Variants in ELMO1 observed in about 807,000 individuals in gnomAD.
ELMO1 encodes the protein engulfment and cell motility 1, also known as engulfment and cell motility protein 1.
Under a neutral mutation model 98.9 loss-of-function variants are expected in ELMO1, and 26 were observed. The ratio of observed to expected loss-of-function variants is 0.26; its 90% CI spans 0.19 to 0.36. The LOEUF (loss-of-function observed/expected upper bound fraction) is 0.36. Among genes scored for constraint, ELMO1 ranks in the 10% least tolerant of loss-of-function variants. The pLI is 1.00. For synonymous variants in ELMO1, 346 were observed against 346.0 expected (o/e 1.00, Z 0.00); for missense variants, 627 against 935.2 (o/e 0.67, Z 4.30).
At chr7:37,408,383 C>T (rs183398338) in intron 1 of ELMO1, among the ~76,000 whole-genome samples, 71 of 152,338 alleles carry the variant, frequency 4.7e-4, no homozygotes, top group Non-Finnish European at 4.4e-5. Context: ...TACGCTCTGT[C>T]TTTCCAATGC....
At chr7:37,304,211 A>T (rs2131038253) in intron 4 of ELMO1, among the ~76,000 whole-genome samples, 1 of 152,284 alleles carries the variant, frequency 6.6e-6, no homozygotes, top group East Asian at 1.9e-4. Context: ...CTGCCAATTT[A>T]GTTTGAGTCA....
intron 13 of ELMO1, among the ~76,000 whole-genome samples, chr7:37,188,502 A>AAAAAAAAATG (rs1791378523): frequency 1.7e-5 from 1 of 60,280 alleles, no homozygotes; most frequent in Non-Finnish European, 3.3e-5. Flanking sequence ...AAAAAAAAAA[A>AAAAAAAAATG]ATAATAATAA....
intron 4 of ELMO1, among the ~76,000 whole-genome samples, chr7:37,277,838 T>C (rs2130885855): frequency 6.6e-6 from 1 of 152,388 alleles, no homozygotes; most frequent in African/African-American, 2.4e-5. Context: ...ATGCTTCCTC[T>C]GTCTTTACTG....
At chr7:37,142,117 T>C (rs899974953) in intron 13 of ELMO1, among the ~76,000 whole-genome samples, 1 of 152,220 alleles carries the variant, frequency 6.6e-6, no homozygotes, top group African/African-American at 2.4e-5. Context: ...AAAATAAATA[T>C]GATCGTAACA....
chr7:36,917,580 T>C lies in ELMO1; in HGVS notation c.1438-22563A>G, dbSNP rs142275065. On this transcript the variant is annotated intron_variant, in intron 16 of 21. Coordinates refer to ENST00000310758, the MANE Select transcript of ELMO1 (RefSeq NM_014800.11). ...TCCAGGAGATAAGAATTGAAACAAT[T>C]AAATGTCACTCTCAGACATCAGAAT... is the stretch of plus-strand genomic sequence containing the variant. 1.9e-3 allele frequency among the ~76,000 whole-genome samples: 287 copies of C among 152,280 alleles called. 1 individual carries two copies. Among genetic ancestry groups the C allele is most frequent in the Middle Eastern group, 0.014 (4 of 294 alleles).
chr7:37,094,383 G>A (rs1293182460), intron 15 of ELMO1, among the ~76,000 whole-genome samples: 3 of 152,208 alleles, frequency 2.0e-5, no homozygotes, highest in Admixed American at 6.5e-5. Flanking sequence ...GCCCACAAAT[G>A]GAGTTCTGCC....
intron 15 of ELMO1, among the ~76,000 whole-genome samples, chr7:37,048,363 C>T (rs1052570916): frequency 6.6e-6 from 1 of 150,626 alleles, no homozygotes; most frequent in African/African-American, 2.5e-5. Context: ...AATAAATTCC[C>T]TTAAATTATA....
chr7:37,025,936 T>TCTATCTATCTATCTA (rs1554395451), intron 15 of ELMO1, among the ~76,000 whole-genome samples: 79 of 148,276 alleles, frequency 5.3e-4, no homozygotes, highest in African/African-American at 1.9e-3. Context: ...TATCTATCTA[T>TCTATCTATCTATCTA]TTTTTTCTAT....
intron 1 of ELMO1, among the ~76,000 whole-genome samples, chr7:37,358,036 T>C (rs1801559300): frequency 6.6e-6 from 1 of 152,232 alleles, no homozygotes; most frequent in South Asian, 2.1e-4. Context: ...ATCTGCTCAC[T>C]GGTATCCCAG....
chr7:37,246,773 C>CAGATAGAT (rs543282035), intron 6 of ELMO1, among the ~76,000 whole-genome samples: 5,639 of 151,738 alleles, frequency 0.037, 246 homozygotes, highest in East Asian at 0.098. Flanking sequence ...GATGGAGAGA[C>CAGATAGAT]AGATAGATAG....
rs1449559036 is a variant in ELMO1 at position 36,906,844 on chromosome 7, C to T, written c.1438-11827G>A. Among the ~76,000 whole-genome samples the T allele has an allele frequency of 2.0e-5, 3 of 151,680 alleles. No homozygotes were observed. In the South Asian group the frequency reaches 6.2e-4, roughly 32 times the overall value. On this transcript the variant is annotated intron_variant, in intron 16 of 21. Coordinates refer to ENST00000310758, the MANE Select transcript of ELMO1 (RefSeq NM_014800.11). The stretch of plus-strand genomic sequence containing the variant: ...TTATAAGAGTAGATCTCAGTAAGTG[C>T]TATTATCAATACAATTTAGGGGCAG...
intron 16 of ELMO1, among the ~76,000 whole-genome samples, chr7:36,960,751 G>GT (rs1357006207): frequency 6.6e-6 from 1 of 152,086 alleles, no homozygotes; most frequent in African/African-American, 2.4e-5. Flanking sequence ...AAATAGTACT[G>GT]TAAAAAGGCA....
chr7:37,366,527 C>T (rs186980732), intron 1 of ELMO1, among the ~76,000 whole-genome samples: 46 of 152,266 alleles, frequency 3.0e-4, no homozygotes, highest in Admixed American at 1.2e-3. Flanking sequence ...GAGTTTAGAA[C>T]AGGAGCACAA....
At chr7:37,138,334 A>G (rs935374886) in intron 13 of ELMO1, among the ~76,000 whole-genome samples, 1 of 152,132 alleles carries the variant, frequency 6.6e-6, no homozygotes, top group African/African-American at 2.4e-5. Flanking sequence ...AGTGAGATTA[A>G]CCAAAAAAAG....
intron 4 of ELMO1, among the ~76,000 whole-genome samples, chr7:37,292,567 C>G (rs1797762915): frequency 9.5e-6 from 1 of 105,782 alleles, no homozygotes; most frequent in Non-Finnish European, 2.2e-5. Flanking sequence ...GGCCGCCCAT[C>G]GTCTGAGATG....
At chr7:37,075,726 T>C (rs1797540113) in intron 15 of ELMO1, among the ~76,000 whole-genome samples, 1 of 152,132 alleles carries the variant, frequency 6.6e-6, no homozygotes, top group Admixed American at 6.5e-5. Flanking sequence ...CCTAGGGATA[T>C]GGGGACATCA....
intron 13 of ELMO1, among the ~76,000 whole-genome samples, chr7:37,192,996 T>TCTATATATATATATATAG (rs1791724979): frequency 2.7e-5 from 1 of 36,374 alleles, no homozygotes; most frequent in African/African-American, 7.6e-5. Context: ...TATATATATA[T>TCTATATATATATATATAG]ATATATATAT....
At position 37,196,591 on chromosome 7, in the gene ELMO1, G is replaced by A. The variant is rs575489176; in HGVS notation, c.1086+14795C>T. 2.6e-5 allele frequency among the ~76,000 whole-genome samples: 4 copies of A among 152,210 alleles called. No homozygotes were observed. The East Asian group carries it at 7.7e-4, about 29-fold the overall frequency. ...TCTCAAGGACTCCAAGGGAGTGGGG[G>A]GTGTCCTTGGCATGGGAGGCTAGAA... On this transcript the variant is annotated intron_variant, in intron 13 of 21. Coordinates refer to ENST00000310758, the MANE Select transcript of ELMO1 (RefSeq NM_014800.11).
At chr7:37,100,438 A>C (rs531109503) in intron 14 of ELMO1, among the ~76,000 whole-genome samples, 8 of 152,218 alleles carry the variant, frequency 5.3e-5, no homozygotes, top group Non-Finnish European at 1.5e-5. Flanking sequence ...GGGCATGACC[A>C]TGAAGTGTTG....
Sources: gnomAD v4.1 joint callset for allele counts (sites outside exome capture counted in the v4.1 genomes callset) on GRCh38, gnomAD v4.1.1 for gene constraint, MANE v1.5 for transcripts, NCBI Gene and HGNC (gene_info 2026-07-23, HGNC 2026-07-21) for gene names.